Variants in MAML2 observed in about 807,000 individuals in gnomAD.
MAML2 encodes the protein mastermind like transcriptional coactivator 2, also known as mastermind-like protein 2.
In MAML2, 22 loss-of-function variants were observed where a neutral mutation model predicts 96.1. The ratio of observed to expected loss-of-function variants is 0.23; its 90% confidence interval spans 0.16 to 0.33. MAML2 has a LOEUF of 0.33. MAML2 is among the 10% of genes least tolerant of loss of function. The pLI, the probability that MAML2 is intolerant of heterozygous loss-of-function variation, is 1.00. For synonymous variants in MAML2, 561 were observed against 521.3 expected, an observed-to-expected ratio of 1.08 and a Z score of -1.04; for missense variants, 1,367 against 1,392.4, an observed-to-expected ratio of 0.98 and a Z score of 0.29.
At position 96,093,404 on chromosome 11, in the gene MAML2, C is replaced by A; in HGVS notation, c.627G>T (p.Gly209=). ...SFLDIKRIRV[G]ENLSAGQGGL... is the part of the protein sequence containing the mutation. The stretch of plus-strand genomic sequence containing the variant: ...CACCTTGTCCTGCAGAGAGATTCTC[C>A]CCAACACGAATTCTTTTGATATCAA... The change falls in exon 2 of 5, where the codon GGG becomes GGT. Residue 209 remains glycine (G), a synonymous_variant. Coordinates refer to ENST00000524717, the MANE Select transcript of MAML2 (RefSeq NM_032427.4). 1 of 1,613,970 alleles carries A rather than the reference C, an allele frequency of 6.2e-7. No homozygotes were observed. Among genetic ancestry groups the A allele is most frequent in the Non-Finnish European group, 8.5e-7 (1 of 1,179,884 alleles).
At chr11:96,299,371 T>C (rs751727411) in intron 1 of MAML2, among the ~76,000 whole-genome samples, 9 of 151,400 alleles carry the variant, frequency 5.9e-5, no homozygotes, top group Admixed American at 1.3e-4. Flanking sequence ...AAGGCAGCTC[T>C]TAGGATTAAT....
At chr11:96,124,494 ATC>A (rs1860405614) in intron 1 of MAML2, among the ~76,000 whole-genome samples, 1 of 152,182 alleles carries the variant, frequency 6.6e-6, no homozygotes, top group Admixed American at 6.5e-5. Flanking sequence ...CAATTTCCTC[ATC>A]TGTTAAATGT....
chr11:96,073,324 T>TTC (rs200987962), intron 2 of MAML2, among the ~76,000 whole-genome samples: 4 of 59,698 alleles, frequency 6.7e-5, no homozygotes, highest in African/African-American at 2.9e-4. Context: ...TTCTTTTCTT[T>TTC]TTTTTTTTTT....
At chr11:96,286,380 A>G (rs755766746) in intron 1 of MAML2, among the ~76,000 whole-genome samples, 4 of 152,174 alleles carry the variant, frequency 2.6e-5, no homozygotes, top group Non-Finnish European at 5.9e-5. Flanking sequence ...GCCAGGTTTA[A>G]TACCTAGGTG....
intron 1 of MAML2, among the ~76,000 whole-genome samples, chr11:96,184,735 G>A (rs553419723): frequency 1.3e-5 from 2 of 151,208 alleles, no homozygotes; most frequent in East Asian, 2.0e-4. Context: ...GACTACAGGC[G>A]CCCACCGCCA....
chr11:96,200,107 G>C (rs1402059977), intron 1 of MAML2, among the ~76,000 whole-genome samples: 1 of 152,148 alleles, frequency 6.6e-6, no homozygotes, highest in African/African-American at 2.4e-5. Context: ...GAGGAATTTA[G>C]TTATATTATT....
At chr11:96,042,970 T>G (rs1858840603) in intron 2 of MAML2, among the ~76,000 whole-genome samples, 1 of 152,108 alleles carries the variant, frequency 6.6e-6, no homozygotes. Context: ...GATCTCAAAC[T>G]CCTGGCCTCA....
At chr11:96,076,128 G>C (rs550328286) in intron 2 of MAML2, among the ~76,000 whole-genome samples, 1 of 152,282 alleles carries the variant, frequency 6.6e-6, no homozygotes, top group African/African-American at 2.4e-5. Flanking sequence ...TTGCCAAGAG[G>C]TGTGATCCTC....
intron 1 of MAML2, among the ~76,000 whole-genome samples, chr11:96,182,270 G>A (rs1020883632): frequency 6.6e-6 from 1 of 152,162 alleles, no homozygotes; most frequent in Non-Finnish European, 1.5e-5. Context: ...TGGGTCTGAG[G>A]ATAAAAACAA....
At chr11:96,074,804 C>T (rs1859408858) in intron 2 of MAML2, among the ~76,000 whole-genome samples, 1 of 152,220 alleles carries the variant, frequency 6.6e-6, no homozygotes, top group Non-Finnish European at 1.5e-5. Flanking sequence ...GCTCTCTAAT[C>T]GCATCAGCAA....
At chr11:96,066,687 A>G (rs1443451251) in intron 2 of MAML2, among the ~76,000 whole-genome samples, 3 of 152,128 alleles carry the variant, frequency 2.0e-5, no homozygotes, top group Non-Finnish European at 1.5e-5. Flanking sequence ...TGTGCCAGAA[A>G]CCCTTTGAGG....
intron 2 of MAML2, among the ~76,000 whole-genome samples, chr11:96,049,373 T>C (rs1011864345): frequency 7.8e-4 from 119 of 152,356 alleles, no homozygotes; most frequent in African/African-American, 2.7e-3. Flanking sequence ...TAACTTTCTT[T>C]CCATTTCAAT....
chr11:96,152,897 A>T (rs1236243939), intron 1 of MAML2, among the ~76,000 whole-genome samples: 2 of 152,190 alleles, frequency 1.3e-5, no homozygotes, highest in Non-Finnish European at 2.9e-5. Flanking sequence ...CACAGATTGG[A>T]TGCAAGCAAG....
In MAML2 at chr11:96,093,301, T is replaced by C; in HGVS notation, c.730A>G (p.Asn244Asp). ...GAATGTGTATGGGATGGCAGAGTGT[T>C]AGTCTTTCGCAGGGGTGCTTGGCTC... ...PMSQAPLRKTNTLPSHTHSPG... is the reference protein window; with the variant it reads ...PMSQAPLRKTDTLPSHTHSPG... Residue 244 changes from asparagine (N) to aspartate (D), a missense_variant, in exon 2 of 5, where the codon AAC (asparagine) becomes GAC (aspartate). Coordinates refer to ENST00000524717, the MANE Select transcript of MAML2 (RefSeq NM_032427.4). The C allele has an allele frequency of 1.2e-6, 2 of 1,614,044 alleles. No homozygotes were observed. The highest frequency in any genetic ancestry group is 1.7e-6 in the Non-Finnish European group (2 of 1,179,908).
chr11:95,980,089 T>C, intron 4 of MAML2, 126 bp from the exon 5 acceptor site: 1 of 713,466 alleles, frequency 1.4e-6, no homozygotes, highest in South Asian at 2.0e-5. Flanking sequence ...GAAATAATGA[T>C]CAAATAAATT....
chr11:96,195,023 G>A (rs1015830278), intron 1 of MAML2, among the ~76,000 whole-genome samples: 2 of 152,074 alleles, frequency 1.3e-5, no homozygotes, highest in African/African-American at 4.8e-5. Flanking sequence ...TGTCTATGAG[G>A]GCAAATGAAA....
At chr11:96,239,915 C>T (rs189511337) in intron 1 of MAML2, among the ~76,000 whole-genome samples, 3 of 152,152 alleles carry the variant, frequency 2.0e-5, no homozygotes, top group Admixed American at 6.5e-5. Flanking sequence ...CTGGACTATT[C>T]CCATTGGCAA....
At chr11:96,259,250 G>GT (rs146816978) in intron 1 of MAML2, among the ~76,000 whole-genome samples, 7,324 of 152,034 alleles carry the variant, frequency 0.048, 194 homozygotes, top group South Asian at 0.062. Context: ...CTTTCCAGAT[G>GT]TTTTTTTTCT....
intron 1 of MAML2, among the ~76,000 whole-genome samples, chr11:96,126,996 AAC>A (rs1860450486): frequency 6.6e-6 from 1 of 152,274 alleles, no homozygotes; most frequent in African/African-American, 2.4e-5. Flanking sequence ...GCTGCCATAG[AAC>A]ACAGTCTCAT....
Sources: allele counts gnomAD v4.1 joint callset (sites outside exome capture counted in the v4.1 genomes callset), GRCh38; gene constraint gnomAD v4.1.1; transcripts MANE v1.5; gene names NCBI Gene and HGNC (gene_info 2026-07-23, HGNC 2026-07-21).